The following ANKRD6 variants were observed in gnomAD, a reference collection of about 807,000 sequenced individuals.
ANKRD6 encodes ankyrin repeat domain 6, also known as ankyrin repeat domain-containing protein 6.
In ANKRD6, 56 loss-of-function variants were observed where a neutral mutation model predicts 82.3. The observed-to-expected ratio is 0.68, with a 90% CI of 0.55 to 0.85. ANKRD6 has a LOEUF of 0.85. Ranked by LOEUF, ANKRD6 falls within the 40% of genes least tolerant of loss-of-function variation. ANKRD6 has a pLI of 0.00. For missense variants in ANKRD6, 852 were observed against 907.6 expected (o/e 0.94, Z 0.79); for synonymous variants, 347 against 352.1 (o/e 0.99, Z 0.16).
chr6:89,606,125 AGAATGCCTCATTCACAGGTGAG>A lies in ANKRD6; in HGVS notation c.417+23_417+44del, dbSNP rs1798560636. The A allele has an allele frequency of 6.5e-6, 10 of 1,527,810 alleles. No homozygotes were observed. The South Asian group carries it at 1.2e-4, about 19-fold the overall frequency. The allele number at this position is 1,527,810 out of a possible 1,614,324, so 94.6% of individuals were successfully genotyped here. A position where few individuals can be genotyped will look rare whatever the true frequency, so the allele number is the denominator to read the frequency against. On this transcript the variant is annotated intron_variant, in intron 5 of 15. Transcript: ENST00000339746. ...AACAAGGTGAGGCCTGGCAGATGCT[AGAATGCCTCATTCACAGGTGAG>A]GATGGCTGTGGGTTTCTCCCCCTGT...
At position 89,623,517 on chromosome 6, in the gene ANKRD6, T is replaced by C; in HGVS notation, c.1005T>C (p.Asp335=). Residue 335 remains aspartate, a synonymous_variant, in exon 11 of 16, where the codon GAT becomes GAC. Coordinates refer to ENST00000339746, the MANE Select transcript of ANKRD6 (RefSeq NM_001242809.2). ...CCTCCCCAGAACCCAGAGCAAAGGATGACAGGAGGAGAAAGTCAAGGCCCA... is the reference window on the plus strand; with the variant it reads ...CCTCCCCAGAACCCAGAGCAAAGGACGACAGGAGGAGAAAGTCAAGGCCCA... ...LSASPEPRAK[D]DRRRKSRPKV... 1 of 1,589,126 alleles carries C rather than the reference T, an allele frequency of 6.3e-7. No homozygotes were observed. Among genetic ancestry groups the C allele is most frequent in the Non-Finnish European group, 8.6e-7 (1 of 1,167,694 alleles).
At chr6:89,500,901 G>T (rs1779185748) in intron 1 of ANKRD6, among the ~76,000 whole-genome samples, 1 of 151,308 alleles carries the variant, frequency 6.6e-6, no homozygotes, top group Admixed American at 6.6e-5. Flanking sequence ...GCAATGGGTT[G>T]TGAGCTGAGT....
chr6:89,462,871 T>G (rs1562556882), intron 1 of ANKRD6, among the ~76,000 whole-genome samples: 2 of 151,242 alleles, frequency 1.3e-5, no homozygotes, highest in South Asian at 2.1e-4. Flanking sequence ...TTTAGTTTTT[T>G]TTTTTTTTTT....
intron 3 of ANKRD6, among the ~76,000 whole-genome samples, chr6:89,598,829 T>C (rs1796447053): frequency 6.6e-6 from 1 of 152,190 alleles, no homozygotes; most frequent in Non-Finnish European, 1.5e-5. Flanking sequence ...CAAATGCTTT[T>C]GGGGCAGCTC....
intron 1 of ANKRD6, among the ~76,000 whole-genome samples, chr6:89,532,318 C>G (rs1279106992): frequency 1.3e-5 from 2 of 152,182 alleles, no homozygotes; most frequent in Admixed American, 6.5e-5. Flanking sequence ...TGGACCTCTC[C>G]TAACTTTTCT....
intron 1 of ANKRD6, among the ~76,000 whole-genome samples, chr6:89,551,783 G>A: frequency 6.6e-6 from 1 of 152,128 alleles, no homozygotes. Flanking sequence ...GCTAATTTTT[G>A]TTGTAGAAAT....
rs1001682100 is a variant in ANKRD6 at position 89,495,164 on chromosome 6, C to T, written c.-144+61789C>T. On this transcript the variant is annotated intron_variant, in intron 1 of 15. Transcript: ENST00000339746. ...CAGGAGAAGGCATGAACCCGGGAGG[C>T]GGAGCTTGCAGCGAGCCAAGATTGT... Among the ~76,000 whole-genome samples, 6 of 152,182 alleles carry T rather than the reference C, an allele frequency of 3.9e-5. No individual in the cohort carries two copies. The East Asian group carries it at 7.7e-4, about 20-fold the overall frequency.
intron 2 of ANKRD6, among the ~76,000 whole-genome samples, chr6:89,592,292 G>T (rs566288625): frequency 1.3e-5 from 2 of 152,326 alleles, no homozygotes; most frequent in South Asian, 2.1e-4. Context: ...TGTCCTCTGG[G>T]GTGGGGGCTA....
At chr6:89,460,859 A>C (rs1367908924) in intron 1 of ANKRD6, among the ~76,000 whole-genome samples, 1 of 151,114 alleles carries the variant, frequency 6.6e-6, no homozygotes, top group Non-Finnish European at 1.5e-5. Context: ...CAGAGTCACC[A>C]TATCTACACT....
chr6:89,531,728 C>T (rs1173032647), intron 1 of ANKRD6, among the ~76,000 whole-genome samples: 1 of 152,236 alleles, frequency 6.6e-6, no homozygotes, highest in African/African-American at 2.4e-5. Flanking sequence ...ATCATCGGAC[C>T]TTTGGGTGGC....
rs145758735 is a variant in ANKRD6, at chr6:89,445,193, C to T, written c.-144+11818C>T. ...GTCTCTATGTCACACTTTGGTAATTCTCACAATATTTCACACTTTTTCTTT... is the reference window on the plus strand; with the variant it reads ...GTCTCTATGTCACACTTTGGTAATTTTCACAATATTTCACACTTTTTCTTT... On this transcript the variant is annotated intron_variant, in intron 1 of 15. Transcript: ENST00000339746. Among the ~76,000 whole-genome samples the T allele has an allele frequency of 2.4e-3, 365 of 150,986 alleles. 1 individual carries two copies. Among genetic ancestry groups the T allele is most frequent in the African/African-American group, 8.4e-3 (343 of 41,072 alleles).
chr6:89,603,157 CA>C, intron 4 of ANKRD6, 30 bp downstream of exon 4: 1 of 1,569,916 alleles, frequency 6.4e-7, no homozygotes, highest in African/African-American at 1.4e-5. Flanking sequence ...CCTTACTCCC[CA>C]AGGCAAGGGA....
intron 1 of ANKRD6, among the ~76,000 whole-genome samples, chr6:89,465,702 A>C (rs1023009319): frequency 6.6e-6 from 1 of 151,896 alleles, no homozygotes; most frequent in African/African-American, 2.4e-5. Flanking sequence ...CTCTACAAAA[A>C]ATTTTTTAAA....
chr6:89,623,737 G>A (rs1191152876), intron 11 of ANKRD6, 135 bp from the exon 12 acceptor site: 4 of 1,249,960 alleles, frequency 3.2e-6, no homozygotes, highest in African/African-American at 3.0e-5. Flanking sequence ...TGACATGTGT[G>A]GCTTGGAGTA....
intron 2 of ANKRD6, among the ~76,000 whole-genome samples, chr6:89,594,289 C>CA (rs1795438516): frequency 2.0e-5 from 3 of 151,834 alleles, no homozygotes; most frequent in African/African-American, 4.8e-5. Context: ...CCCATCTCTA[C>CA]AAAAAAATAG....
chr6:89,445,676 C>T (rs1224749810), intron 1 of ANKRD6, among the ~76,000 whole-genome samples: 3 of 152,104 alleles, frequency 2.0e-5, no homozygotes, highest in Non-Finnish European at 4.4e-5. Context: ...GATCTCCTGA[C>T]CTTGTGATCT....
chr6:89,442,366 A>G (rs1011080559), intron 1 of ANKRD6, among the ~76,000 whole-genome samples: 6 of 151,998 alleles, frequency 3.9e-5, no homozygotes, highest in African/African-American at 7.2e-5. Flanking sequence ...GCTCACGCCT[A>G]TAGTCCCAGC....
chr6:89,533,834 A>T (rs1783497407), intron 1 of ANKRD6, among the ~76,000 whole-genome samples: 1 of 152,074 alleles, frequency 6.6e-6, no homozygotes, highest in South Asian at 2.1e-4. Flanking sequence ...TCTTCCACTT[A>T]CAGTGACTGA....
At chr6:89,499,759 G>T (rs1779055966) in intron 1 of ANKRD6, among the ~76,000 whole-genome samples, 1 of 152,124 alleles carries the variant, frequency 6.6e-6, no homozygotes, top group African/African-American at 2.4e-5. Flanking sequence ...CTGCTGTACT[G>T]ACTTGGACAA....
Sources: gnomAD v4.1 joint callset for allele counts (sites outside exome capture counted in the v4.1 genomes callset) on GRCh38, gnomAD v4.1.1 for gene constraint, MANE v1.5 for transcripts, NCBI Gene and HGNC (gene_info 2026-07-23, HGNC 2026-07-21) for gene names.